Variants in MTNR1A observed in about 807,000 individuals in gnomAD.
The protein encoded by MTNR1A is melatonin receptor type 1A.
A neutral mutation model predicts 5.5 loss-of-function variants in MTNR1A; 7 were observed. That is an observed-to-expected ratio of 1.28 (90% CI 0.73 to 2.40). The LOEUF (loss-of-function observed/expected upper bound fraction) is 2.40, where lower values mean the gene tolerates loss of function less well. Among genes scored for constraint, MTNR1A ranks in the 30% most tolerant of loss-of-function variants. MTNR1A has a pLI of 0.00. For missense variants in MTNR1A, 441 were observed against 464.4 expected (o/e 0.95, Z 0.46); for synonymous variants, 196 against 202.7 (o/e 0.97, Z 0.28).
chr4:186,544,840 G>T (rs1412939430), intron 1 of MTNR1A, among the ~76,000 whole-genome samples: 2 of 152,212 alleles, frequency 1.3e-5, no homozygotes, highest in Non-Finnish European at 2.9e-5. Context: ...TCTCCCCAAA[G>T]TGTCTGTGAG....
chr4:186,552,460 T>A (rs546175301), intron 1 of MTNR1A, among the ~76,000 whole-genome samples: 52 of 152,326 alleles, frequency 3.4e-4, no homozygotes, highest in African/African-American at 1.2e-3. Context: ...GCCTGATATT[T>A]TGTAAAATAA....
intron 1 of MTNR1A, among the ~76,000 whole-genome samples, chr4:186,537,737 C>T (rs62350381): frequency 0.045 from 6,792 of 152,264 alleles, 178 homozygotes; most frequent in South Asian, 0.068. Context: ...ATGTTATTTC[C>T]CTGAGAAAGC....
At chr4:186,550,046 G>A (rs1470022656) in intron 1 of MTNR1A, among the ~76,000 whole-genome samples, 2 of 152,210 alleles carry the variant, frequency 1.3e-5, no homozygotes, top group Non-Finnish European at 2.9e-5. Flanking sequence ...TGCCGAAAGT[G>A]TATACAGCTC....
chr4:186,539,884 A>G (rs1468352640), intron 1 of MTNR1A, among the ~76,000 whole-genome samples: 1 of 152,218 alleles, frequency 6.6e-6, no homozygotes, highest in Non-Finnish European at 1.5e-5. Flanking sequence ...TGACTCCAGG[A>G]TCTCCATAGA....
In MTNR1A at chr4:186,555,391, G is replaced by C. The variant is rs1737350964; in HGVS notation, c.-26C>G. On this transcript the variant is annotated 5_prime_UTR_variant, in exon 1 of 2. Coordinates refer to ENST00000307161, the MANE Select transcript of MTNR1A (RefSeq NM_005958.4). The surrounding 1 kb of genome is among the most constrained non-coding windows in gnomAD (Gnocchi z 4.1). The stretch of plus-strand genomic sequence containing the variant: ...GGTCCCTGTGCGCGTCCCGGCCGCG[G>C]GGCCATCGCCCGCCTCGTCCGCCCG... 1 of 1,390,310 alleles carries C rather than the reference G, an allele frequency of 7.2e-7. No individual in the cohort carries two copies. Among genetic ancestry groups the C allele is most frequent in the Admixed American group, 3.3e-5 (1 of 30,718 alleles). 86.1% of individuals were successfully genotyped at this position (1,390,310 alleles called of 1,614,324 possible). A position where few individuals can be genotyped will look rare whatever the true frequency, so the allele number is the denominator to read the frequency against.
intron 1 of MTNR1A, among the ~76,000 whole-genome samples, chr4:186,537,300 T>C (rs973558411): frequency 6.6e-6 from 1 of 152,150 alleles, no homozygotes; most frequent in Admixed American, 6.5e-5. Context: ...GGGAATTTCC[T>C]TTTTTCTTTT....
At chr4:186,551,351 T>A (rs188897754) in intron 1 of MTNR1A, among the ~76,000 whole-genome samples, 16 of 152,168 alleles carry the variant, frequency 1.1e-4, no homozygotes, top group Admixed American at 6.5e-4. Flanking sequence ...CAAATGGGAA[T>A]TAGATTCTAA....
intron 1 of MTNR1A, among the ~76,000 whole-genome samples, chr4:186,549,119 C>T (rs369705486): frequency 6.6e-6 from 1 of 151,708 alleles, no homozygotes; most frequent in Admixed American, 6.6e-5. Context: ...AAAATCGTGT[C>T]CTAAGCTCCT....
intron 1 of MTNR1A, among the ~76,000 whole-genome samples, chr4:186,546,312 G>A (rs111429974): frequency 1.8e-4 from 28 of 152,022 alleles, no homozygotes; most frequent in African/African-American, 6.0e-4. Flanking sequence ...CTCCATAGCC[G>A]ATGAGCCTCC....
At chr4:186,542,863 G>A (rs565048133) in intron 1 of MTNR1A, among the ~76,000 whole-genome samples, 4 of 152,260 alleles carry the variant, frequency 2.6e-5, no homozygotes, top group Non-Finnish European at 5.9e-5. Context: ...TTGGGAGGCT[G>A]GAGTGAGTGG....
intron 1 of MTNR1A, among the ~76,000 whole-genome samples, chr4:186,536,441 G>A (rs1036610368): frequency 5.3e-5 from 8 of 152,186 alleles, no homozygotes; most frequent in Admixed American, 5.2e-4. Flanking sequence ...GGAAAGGGGT[G>A]CGCTGGACAG....
intron 1 of MTNR1A, among the ~76,000 whole-genome samples, chr4:186,544,860 C>T (rs994585474): frequency 2.0e-5 from 3 of 152,180 alleles, no homozygotes; most frequent in African/African-American, 7.2e-5. Flanking sequence ...GTTCTGGGAG[C>T]CTTCATTTGG....
chr4:186,552,150 C>T (rs1737277601), intron 1 of MTNR1A, among the ~76,000 whole-genome samples: 1 of 152,188 alleles, frequency 6.6e-6, no homozygotes, highest in Non-Finnish European at 1.5e-5. Flanking sequence ...ACAATGTAAG[C>T]ACAAAAGGTT....
intron 1 of MTNR1A, among the ~76,000 whole-genome samples, chr4:186,535,996 G>A (rs536965648): frequency 3.1e-4 from 47 of 152,228 alleles, no homozygotes; most frequent in African/African-American, 1.1e-3. Flanking sequence ...CATATTAAAT[G>A]CATATATTTG....
At chr4:186,554,421 C>T (rs751926726) in intron 1 of MTNR1A, among the ~76,000 whole-genome samples, 2 of 152,184 alleles carry the variant, frequency 1.3e-5, no homozygotes, top group African/African-American at 4.8e-5. Flanking sequence ...GAGAACCAAG[C>T]ATCTAATCAT....
chr4:186,546,002 G>A (rs530574268), intron 1 of MTNR1A, among the ~76,000 whole-genome samples: 33 of 152,150 alleles, frequency 2.2e-4, no homozygotes, highest in Non-Finnish European at 4.6e-4. Flanking sequence ...TGTGCACCAT[G>A]AGTGTGGAAA....
At chr4:186,552,672 T>C (rs1228599527) in intron 1 of MTNR1A, among the ~76,000 whole-genome samples, 4 of 152,212 alleles carry the variant, frequency 2.6e-5, no homozygotes, top group African/African-American at 7.2e-5. Context: ...CTTATGAGGC[T>C]AAGCGGTTGG....
At chr4:186,542,376 C>T (rs557952180) in intron 1 of MTNR1A, among the ~76,000 whole-genome samples, 9 of 152,310 alleles carry the variant, frequency 5.9e-5, no homozygotes, top group South Asian at 2.1e-4. Context: ...CCTTCTCCAC[C>T]GTGATGGTAT....
chr4:186,548,117 A>T (rs1235824588), intron 1 of MTNR1A, among the ~76,000 whole-genome samples: 1 of 152,216 alleles, frequency 6.6e-6, no homozygotes, highest in African/African-American at 2.4e-5. Context: ...AATCAAAAAA[A>T]AACTATATGA....
Sources: gnomAD v4.1 joint callset for allele counts (sites outside exome capture counted in the v4.1 genomes callset) on GRCh38, gnomAD v4.1.1 for gene constraint, Gnocchi (gnomAD v3.1) non-coding constraint, MANE v1.5 for transcripts, NCBI Gene and HGNC (gene_info 2026-07-23, HGNC 2026-07-21) for gene names.